The following NPAS3 variants were observed in gnomAD, a reference collection of about 807,000 sequenced individuals.
NPAS3 encodes the protein neuronal PAS domain-containing protein 3.
A neutral mutation model predicts 73.1 loss-of-function variants in NPAS3; 14 were observed. The ratio of observed to expected loss-of-function variants is 0.19; its 90% CI spans 0.13 to 0.30. The LOEUF is 0.30. NPAS3 is among the 10% of genes least tolerant of loss of function. The pLI is 1.00. For missense variants in NPAS3, 1,096 were observed against 1,250.0 expected (o/e 0.88, Z 1.86); for synonymous variants, 620 against 541.5 (o/e 1.14, Z -2.01).
chr14:33,528,952 G>A (rs1032983004), intron 4 of NPAS3, among the ~76,000 whole-genome samples: 2 of 152,104 alleles, frequency 1.3e-5, no homozygotes, highest in Admixed American at 6.6e-5. Context: ...AGTTTTTCGA[G>A]GTCATATAGT....
chr14:33,006,452 C>T (rs1392410977), intron 1 of NPAS3, among the ~76,000 whole-genome samples: 4 of 152,094 alleles, frequency 2.6e-5, no homozygotes, highest in East Asian at 1.9e-4. Context: ...ACAACAACAG[C>T]GCTACCAACA....
intron 4 of NPAS3, among the ~76,000 whole-genome samples, chr14:33,510,665 T>C (rs932605108): frequency 3.9e-5 from 6 of 152,068 alleles, no homozygotes; most frequent in Admixed American, 2.6e-4. Context: ...TGTTGGAAGA[T>C]TTTAAGCTTT....
At chr14:32,981,653 T>G (rs2139402012) in intron 1 of NPAS3, among the ~76,000 whole-genome samples, 1 of 152,338 alleles carries the variant, frequency 6.6e-6, no homozygotes, top group African/African-American at 2.4e-5. Context: ...CTGTTGAGTC[T>G]TTTTGTCAAG....
rs115653866 is a variant in NPAS3, at chr14:33,055,310, A to T, written c.51-595A>T. Among the ~76,000 whole-genome samples the T allele has an allele frequency of 2.3e-3, 355 of 152,306 alleles. 1 individual carries two copies. Among genetic ancestry groups the T allele is most frequent in the African/African-American group, 8.2e-3 (339 of 41,572 alleles). On this transcript the variant is annotated intron_variant, in intron 1 of 11. Coordinates refer to ENST00000356141, the Ensembl canonical transcript of NPAS3. ...CAAGAAACCTGGAGCCACTGTAATCAGTTCATCTCAGGTGCCTGTTAACAT... is the reference window on the plus strand; with the variant it reads ...CAAGAAACCTGGAGCCACTGTAATCTGTTCATCTCAGGTGCCTGTTAACAT...
chr14:33,269,958 G>C (rs2040994342), intron 3 of NPAS3, among the ~76,000 whole-genome samples: 1 of 152,156 alleles, frequency 6.6e-6, no homozygotes, highest in African/African-American at 2.4e-5. Flanking sequence ...CAGAGCCTAA[G>C]ATGGGATTCT....
At chr14:33,276,730 G>A (rs896914508) in intron 3 of NPAS3, among the ~76,000 whole-genome samples, 5 of 151,726 alleles carry the variant, frequency 3.3e-5, no homozygotes, top group Admixed American at 6.6e-5. Flanking sequence ...GCATATAGAA[G>A]GTAATTTATA....
At chr14:33,136,535 TG>T (rs1232570871) in intron 2 of NPAS3, among the ~76,000 whole-genome samples, 8 of 152,286 alleles carry the variant, frequency 5.3e-5, no homozygotes, top group Non-Finnish European at 1.5e-5. Context: ...ATGAGATAAG[TG>T]GTAGGATCAC....
At chr14:33,095,362 A>G (rs1399565503) in intron 2 of NPAS3, among the ~76,000 whole-genome samples, 6 of 152,186 alleles carry the variant, frequency 3.9e-5, no homozygotes, top group African/African-American at 1.2e-4. Context: ...GGTTCTCGCA[A>G]AGACAAAGTT....
At chr14:33,555,959 T>A (rs1266810521) in intron 4 of NPAS3, among the ~76,000 whole-genome samples, 2 of 152,048 alleles carry the variant, frequency 1.3e-5, no homozygotes, top group African/African-American at 2.4e-5. Flanking sequence ...ACTAGTTGTT[T>A]TCCCCCCTAC....
At chr14:33,726,974 G>C (rs754988472) in intron 6 of NPAS3, among the ~76,000 whole-genome samples, 2 of 152,144 alleles carry the variant, frequency 1.3e-5, no homozygotes, top group Non-Finnish European at 2.9e-5. Context: ...CTGTGCTGTA[G>C]AGCAGTTCCT....
chr14:33,030,438 T>TA (rs2039949139), intron 1 of NPAS3, among the ~76,000 whole-genome samples: 1 of 152,228 alleles, frequency 6.6e-6, no homozygotes. Flanking sequence ...TACACTGCTT[T>TA]AAAAATGTTT....
intron 1 of NPAS3, among the ~76,000 whole-genome samples, chr14:33,048,491 G>A (rs1953446): frequency 0.39 from 59,137 of 152,086 alleles, 14,111 homozygotes; most frequent in African/African-American, 0.68. Flanking sequence ...TGTTCCTGCA[G>A]TTGTTGGTTC....
At chr14:33,158,143 A>C (rs1448354281) in intron 2 of NPAS3, among the ~76,000 whole-genome samples, 1 of 152,236 alleles carries the variant, frequency 6.6e-6, no homozygotes, top group Admixed American at 6.5e-5. Flanking sequence ...ATCGTTGAGC[A>C]GTGGTAGTCC....
chr14:33,688,809 C>T (rs986885414), intron 6 of NPAS3, among the ~76,000 whole-genome samples: 3 of 152,180 alleles, frequency 2.0e-5, no homozygotes, highest in Non-Finnish European at 4.4e-5. Context: ...ATGGAAGTCT[C>T]TGGTTTTTCC....
chr14:33,492,670 A>C (rs1176209769), intron 4 of NPAS3, among the ~76,000 whole-genome samples: 1 of 152,210 alleles, frequency 6.6e-6, no homozygotes, highest in Middle Eastern at 3.2e-3. Context: ...AAGGACATGG[A>C]TTGAAGCAAG....
At position 33,765,193 on chromosome 14, in the gene NPAS3, T is replaced by C. The variant is rs557302146; in HGVS notation, c.853-9144T>C. Among the ~76,000 whole-genome samples the C allele has an allele frequency of 4.6e-5, 7 of 152,236 alleles. No individual in the cohort carries two copies. In the South Asian group the frequency reaches 1.5e-3, roughly 32 times the overall value. On this transcript the variant is annotated intron_variant, in intron 7 of 11. Coordinates refer to ENST00000356141, the Ensembl canonical transcript of NPAS3. ...GAGATGGATGGGAAATAATTGTTGT[T>C]TGGAGGATACAGTCATGTAAGAAGA...
At chr14:33,444,154 A>C (rs1378716078) in intron 4 of NPAS3, among the ~76,000 whole-genome samples, 1 of 152,176 alleles carries the variant, frequency 6.6e-6, no homozygotes, top group East Asian at 1.9e-4. Context: ...TCTGTTCACT[A>C]TGCATTAAGA....
At chr14:33,746,906 C>G (rs1286272318) in intron 7 of NPAS3, among the ~76,000 whole-genome samples, 3 of 148,446 alleles carry the variant, frequency 2.0e-5, no homozygotes, top group African/African-American at 7.8e-5. Flanking sequence ...CCCCCCACCC[C>G]ACCACAGTCC....
rs1176376541 is a variant in NPAS3 at position 33,055,841 on chromosome 14, C to T, written c.51-64C>T. 4.0e-6 allele frequency: 3 copies of T among 749,028 alleles called. No homozygotes were observed. In the Admixed American group the frequency reaches 6.1e-5, roughly 15 times the overall value. The allele number at this position is 749,028 out of a possible 1,614,324, so 46.4% of individuals were successfully genotyped here. On this transcript the variant is annotated intron_variant, in intron 1 of 11. Coordinates refer to ENST00000356141, the Ensembl canonical transcript of NPAS3. ...TATTGAATTTCAACATACTTGTTATCCTGCATTCCAGTTGACTGTAGAGAA... is the reference window on the plus strand; with the variant it reads ...TATTGAATTTCAACATACTTGTTATTCTGCATTCCAGTTGACTGTAGAGAA...
Sources: allele counts gnomAD v4.1 joint callset (sites outside exome capture counted in the v4.1 genomes callset), GRCh38; gene constraint gnomAD v4.1.1; transcripts MANE v1.5; gene names NCBI Gene and HGNC (gene_info 2026-07-23, HGNC 2026-07-21).